BBS7: variants seen among roughly 807,000 people sequenced by gnomAD.
BBS7 encodes the protein Bardet-Biedl syndrome 7.
In BBS7, 50 loss-of-function variants were observed where a neutral mutation model predicts 90.3. The observed-to-expected ratio is 0.55, with a 90% CI of 0.44 to 0.70. BBS7 has a LOEUF of 0.70. BBS7 is among the 30% of genes least tolerant of loss of function. The probability of loss-of-function intolerance (pLI) is 0.00; values close to 1 mark genes in which losing one functional copy is unlikely to be tolerated. For missense variants in BBS7, 729 were observed against 838.9 expected, an observed-to-expected ratio of 0.87 and a Z score of 1.62; for synonymous variants, 235 against 287.4, an observed-to-expected ratio of 0.82 and a Z score of 1.85.
intron 2 of BBS7, among the ~76,000 whole-genome samples, chr4:121,865,783 TCC>T (rs1349647072): frequency 6.6e-6 from 1 of 152,184 alleles, no homozygotes; most frequent in Non-Finnish European, 1.5e-5. Context: ...TTTTGAAAAA[TCC>T]TACATACTGT....
intron 13 of BBS7, 33 bp downstream of exon 13, chr4:121,839,598 C>T: frequency 6.5e-7 from 1 of 1,549,476 alleles, no homozygotes; most frequent in Non-Finnish European, 8.9e-7. Context: ...GAAATTCAAA[C>T]ATTCAAGTAA....
intron 10 of BBS7, among the ~76,000 whole-genome samples, chr4:121,847,156 A>T (rs182148350): frequency 6.6e-6 from 1 of 152,352 alleles, no homozygotes; most frequent in Non-Finnish European, 1.5e-5. Flanking sequence ...AAAGAAAAAC[A>T]CAACCCTTGA....
chr4:121,862,004 A>G (rs188260643), intron 3 of BBS7, among the ~76,000 whole-genome samples: 410 of 152,312 alleles, frequency 2.7e-3, no homozygotes, highest in African/African-American at 9.3e-3. Flanking sequence ...GAGAATCTGT[A>G]TTTTAACAAG....
chr4:121,829,185 T>C (rs17005251), intron 15 of BBS7, among the ~76,000 whole-genome samples: 15,117 of 152,162 alleles, frequency 0.099, 1,433 homozygotes, highest in African/African-American at 0.25. Flanking sequence ...TCTGCTGTTT[T>C]TCATGCTCAG....
chr4:121,870,131 CG>C, intron 1 of BBS7, 146 bp downstream of exon 1: 1 of 911,030 alleles, frequency 1.1e-6, no homozygotes, highest in Admixed American at 1.9e-5. Context: ...TGCCCAAAGG[CG>C]GGGTGCTGAG....
chr4:121,827,806 G>T, intron 18 of BBS7: 1 of 970,254 alleles, frequency 1.0e-6, no homozygotes, highest in Non-Finnish European at 1.2e-6. Flanking sequence ...AACAAAACAT[G>T]ACAATTATTT....
chr4:121,865,385 C>T (rs995770558), intron 2 of BBS7, among the ~76,000 whole-genome samples: 12 of 151,996 alleles, frequency 7.9e-5, no homozygotes, highest in African/African-American at 2.2e-4. Context: ...ATTACAGATG[C>T]CTGCCATCGT....
intron 12 of BBS7, among the ~76,000 whole-genome samples, chr4:121,841,970 G>A (rs1037926206): frequency 6.6e-6 from 1 of 151,850 alleles, no homozygotes; most frequent in East Asian, 1.9e-4. Context: ...TTGAAAAACA[G>A]GCTGGGCACA....
intron 14 of BBS7, 135 bp downstream of exon 14, chr4:121,835,009 T>G: frequency 2.4e-6 from 2 of 837,304 alleles, no homozygotes; most frequent in Non-Finnish European, 3.5e-6. Flanking sequence ...AAATATTAAA[T>G]CTATAATATT....
At chr4:121,845,822 A>T in intron 10 of BBS7, 126 bp from the exon 11 acceptor site, 1 of 896,260 alleles carries the variant, frequency 1.1e-6, no homozygotes, top group Non-Finnish European at 1.7e-6. Flanking sequence ...TTAATAAAAT[A>T]AAAACAAAGG....
chr4:121,846,172 A>G (rs745832500), intron 10 of BBS7, among the ~76,000 whole-genome samples: 1 of 152,252 alleles, frequency 6.6e-6, no homozygotes, highest in African/African-American at 2.4e-5. Context: ...GCAGAGCATT[A>G]GCATTTTGGG....
chr4:121,833,528 T>A, intron 14 of BBS7, 133 bp from the exon 15 acceptor site: 2 of 838,886 alleles, frequency 2.4e-6, no homozygotes, highest in Non-Finnish European at 3.8e-6. Flanking sequence ...CAGATTAATC[T>A]TATACGTCAA....
chr4:121,863,149 G>A (rs1374587766), intron 3 of BBS7, 68 bp downstream of exon 3: 4 of 1,464,972 alleles, frequency 2.7e-6, no homozygotes, highest in Non-Finnish European at 2.9e-6. Flanking sequence ...TTTTAACCTA[G>A]TATTATTCAA....
At chr4:121,833,139 AT>A in intron 15 of BBS7, 91 bp downstream of exon 15, 1 of 1,216,672 alleles carries the variant, frequency 8.2e-7, no homozygotes, top group Non-Finnish European at 1.2e-6. Flanking sequence ...TTTCAATCAG[AT>A]TACTCACAAA....
In BBS7 at chr4:121,859,017, T is replaced by C. The variant is rs751615557; in HGVS notation, c.503A>G (p.Gln168Arg). The change falls in exon 5 of 19, where the codon CAG becomes CGG. Residue 168 changes from glutamine to arginine, a missense_variant. Physicochemically the swap from Gln to Arg is conservative, Grantham distance 43. Transcript: ENST00000264499. ...LSRITPVLAC[Q>R]DRVLRVLQGS... Reference sequence around the variant, plus strand: ...CTGTAAAACTCTGAGCACTCTGTCCTGGCAGGCCAATACAGGTGTGATACG... The same window carrying C: ...CTGTAAAACTCTGAGCACTCTGTCCCGGCAGGCCAATACAGGTGTGATACG... The C allele has an allele frequency of 6.2e-7, 1 of 1,613,952 alleles. No homozygotes were observed. Among genetic ancestry groups the C allele is most frequent in the Non-Finnish European group, 8.5e-7 (1 of 1,179,890 alleles).
Position 121,833,270 on chromosome 4 carries a change from T to C in BBS7, c.1637A>G (p.Gln546Arg). Residue 546 changes from glutamine (Q) to arginine (R), a missense_variant, in exon 15 of 19, where the codon CAG (glutamine) becomes CGG (arginine). By Grantham distance (43) the Gln-to-Arg change is conservative (BLOSUM62 1). Coordinates refer to ENST00000264499, the MANE Select transcript of BBS7 (RefSeq NM_176824.3). Reference protein sequence around the residue: ...PAGECVTFYFQNTFLDTQLES... With the variant: ...PAGECVTFYFRNTFLDTQLES... ...AAGTTGTGTATCTAGAAAGGTGTTC[T>C]GAAAGTAAAATGTCACACATTCTCC... is the stretch of plus-strand genomic sequence containing the variant. 6.2e-7 allele frequency: 1 copy of C among 1,614,000 alleles called. No individual in the cohort carries two copies. The highest frequency in any genetic ancestry group is 8.5e-7 in the Non-Finnish European group (1 of 1,179,914).
intron 1 of BBS7, among the ~76,000 whole-genome samples, chr4:121,869,912 C>A (rs752881143): frequency 6.6e-6 from 1 of 152,132 alleles, no homozygotes; most frequent in Non-Finnish European, 1.5e-5. Flanking sequence ...CCTGGTGCTC[C>A]GCAAAAGGGT....
intron 17 of BBS7, 57 bp from the exon 18 acceptor site, chr4:121,828,326 G>C: frequency 1.3e-6 from 2 of 1,588,790 alleles, no homozygotes; most frequent in Non-Finnish European, 1.7e-6. Context: ...CCAATGTAAT[G>C]TTAAAGTATT....
chr4:121,852,686 TA>T (rs1726385598), intron 8 of BBS7, among the ~76,000 whole-genome samples: 1 of 152,176 alleles, frequency 6.6e-6, no homozygotes, highest in South Asian at 2.1e-4. Flanking sequence ...TTATATGTTA[TA>T]AACTAAGGCA....
Sources: gnomAD v4.1 joint callset for allele counts (sites outside exome capture counted in the v4.1 genomes callset) on GRCh38, gnomAD v4.1.1 for gene constraint, MANE v1.5 for transcripts, NCBI Gene and HGNC (gene_info 2026-07-23, HGNC 2026-07-21) for gene names.